SRCIN1: variants seen among roughly 807,000 people sequenced by gnomAD.
The protein encoded by SRCIN1 is SRC kinase signaling inhibitor 1, also known as P130Cas-associated protein.
Under a neutral mutation model 116.2 loss-of-function variants are expected in SRCIN1, and 50 were observed. That is an observed-to-expected ratio of 0.43 (90% CI 0.34 to 0.54). The LOEUF is 0.54. Among genes scored for constraint, SRCIN1 ranks in the 20% least tolerant of loss-of-function variants. The probability of loss-of-function intolerance (pLI) is 0.02; values close to 1 mark genes in which losing one functional copy is unlikely to be tolerated. For missense variants in SRCIN1, 1,446 were observed against 1,672.0 expected, an observed-to-expected ratio of 0.86 and a Z score of 2.36; for synonymous variants, 736 against 750.0, an observed-to-expected ratio of 0.98 and a Z score of 0.30.
rs144155851 is a variant in SRCIN1, at chr17:38,585,373, G to A, written c.23-6582C>T. Among the ~76,000 whole-genome samples, 655 of 152,346 alleles carry A rather than the reference G, an allele frequency of 4.3e-3. 3 individuals are homozygous for A. The highest frequency in any genetic ancestry group is 0.015 in the African/African-American group (628 of 41,572). On this transcript the variant is annotated intron_variant, in intron 1 of 18. Coordinates refer to ENST00000617146, the MANE Select transcript of SRCIN1 (RefSeq NM_025248.3). This position sits in a 1 kb window ranked among gnomAD's most constrained non-coding sequence, Gnocchi z 4.2. ...GGAGCCCCGAGGCACTGCCACCTTCGATTGTGCATGATGACTCCATCCTGC... is the reference window on the plus strand; with the variant it reads ...GGAGCCCCGAGGCACTGCCACCTTCAATTGTGCATGATGACTCCATCCTGC...
At chr17:38,605,968 G>C (rs1371560591), upstream of SRCIN1, 1 of 144,466 alleles carries the variant, frequency 6.9e-6, no homozygotes, top group Non-Finnish European at 1.5e-5. Flanking sequence ...CGCGCGGGCC[G>C]GCGCGGGTGT....
At chr17:38,576,737 G>T (rs1247759845) in intron 2 of SRCIN1, among the ~76,000 whole-genome samples, 1 of 151,820 alleles carries the variant, frequency 6.6e-6, no homozygotes, top group Non-Finnish European at 1.5e-5. Flanking sequence ...ACATCTCCCT[G>T]TCGCCCAGGT....
chr17:38,565,030 C>A (rs1906589984), intron 3 of SRCIN1, among the ~76,000 whole-genome samples: 1 of 152,110 alleles, frequency 6.6e-6, no homozygotes. Context: ...GCCACACAGC[C>A]AGCCAGCCTC....
intron 4 of SRCIN1, 57 bp downstream of exon 4, chr17:38,564,061 T>C: frequency 2.0e-6 from 3 of 1,486,542 alleles, no homozygotes; most frequent in South Asian, 2.4e-5. Context: ...CTCCAGGGAG[T>C]GAAGAGCAGA....
chr17:38,592,570 T>A (rs557450585), intron 1 of SRCIN1, among the ~76,000 whole-genome samples: 6 of 152,140 alleles, frequency 3.9e-5, no homozygotes, highest in African/African-American at 1.4e-4. Flanking sequence ...CTTGAACAAA[T>A]CATTTCAGTC....
chr17:38,549,141 C>CG lies in SRCIN1; in HGVS notation c.3031dup (p.Arg1011ProfsTer32). 1 of 980,448 alleles carries CG rather than the reference C, an allele frequency of 1.0e-6. No individual in the cohort carries two copies. The allele number at this position is 980,448 out of a possible 1,614,324, so 60.7% of individuals were successfully genotyped here. On this transcript the variant is annotated frameshift_variant, in exon 16 of 19. Coordinates refer to ENST00000617146, the MANE Select transcript of SRCIN1 (RefSeq NM_025248.3). LOFTEE classifies it high-confidence loss of function. ...CAGGCCATGGGAGGAGGGGAAGCTCCGGCGGGGAGGGGGCGGTGGGGGCGA... is the reference window on the plus strand; with the variant it reads ...CAGGCCATGGGAGGAGGGGAAGCTCCGGGCGGGGAGGGGGCGGTGGGGGCGA...
intron 11 of SRCIN1, among the ~76,000 whole-genome samples, chr17:38,554,808 C>T (rs35385529): frequency 0.037 from 5,583 of 152,266 alleles, 327 homozygotes; most frequent in African/African-American, 0.13. Context: ...GACTCACATG[C>T]GGGACTTTAT....
intron 2 of SRCIN1, among the ~76,000 whole-genome samples, chr17:38,578,207 G>T (rs1320893540): frequency 6.6e-6 from 1 of 152,206 alleles, no homozygotes; most frequent in African/African-American, 2.4e-5. Context: ...CTGAGTTAAA[G>T]AGGCTGGGCT....
At chr17:38,591,211 G>A (rs1435532593) in intron 1 of SRCIN1, among the ~76,000 whole-genome samples, 1 of 152,200 alleles carries the variant, frequency 6.6e-6, no homozygotes, top group Non-Finnish European at 1.5e-5. Context: ...TCCAGGAAAG[G>A]AGAACTCATT....
rs1332348813 is a variant in SRCIN1 at position 38,563,774 on chromosome 17, G to T, written c.542-253C>A. On this transcript the variant is annotated intron_variant, in intron 4 of 18. Coordinates refer to ENST00000617146, the MANE Select transcript of SRCIN1 (RefSeq NM_025248.3). This position sits in a 1 kb window ranked among gnomAD's most constrained non-coding sequence, Gnocchi z 5.8. ...GAACTTGGACAAGGAAATGGAAGTG[G>T]GGGCAGAGCAGGTGGGGCGGAAACT... The T allele has an allele frequency of 2.1e-5, 14 of 673,564 alleles. No individual in the cohort carries two copies. The South Asian group carries it at 2.2e-4, about 11-fold the overall frequency. 41.7% of individuals were successfully genotyped at this position (673,564 alleles called of 1,614,324 possible).
chr17:38,543,107 CCA>C (rs907748417), intron 18 of SRCIN1: 12 of 456,626 alleles, frequency 2.6e-5, no homozygotes, highest in African/African-American at 2.2e-4. Flanking sequence ...TGTCCACTCT[CCA>C]CACAGCCTCC....
At chr17:38,537,179 CA>C (rs949769470) in intron 18 of SRCIN1, among the ~76,000 whole-genome samples, 14 of 145,460 alleles carry the variant, frequency 9.6e-5, no homozygotes, top group Non-Finnish European at 1.7e-4. Context: ...GACTCTATCT[CA>C]AAAAAAAATT....
At chr17:38,596,252 A>AGGGCCAT (rs1326276972) in intron 1 of SRCIN1, among the ~76,000 whole-genome samples, 7 of 152,148 alleles carry the variant, frequency 4.6e-5, no homozygotes, top group Non-Finnish European at 1.0e-4. Context: ...GGTCAGGGGC[A>AGGGCCAT]GGGCCATGGG....
chr17:38,555,063 G>A (rs1022264388), intron 11 of SRCIN1, among the ~76,000 whole-genome samples: 4 of 152,148 alleles, frequency 2.6e-5, no homozygotes, highest in East Asian at 3.8e-4. Context: ...CCTGTATTAC[G>A]CACTTACTGT....
intron 11 of SRCIN1, among the ~76,000 whole-genome samples, chr17:38,553,290 C>G (rs1248294271): frequency 2.0e-5 from 3 of 152,144 alleles, no homozygotes. Context: ...AGCCATCAGG[C>G]CACATACTCA....
chr17:38,579,975 A>G (rs1907692837), intron 1 of SRCIN1, among the ~76,000 whole-genome samples: 1 of 152,134 alleles, frequency 6.6e-6, no homozygotes, highest in Non-Finnish European at 1.5e-5. Flanking sequence ...CCAGCCCCAC[A>G]ATCCACCAGC....
intron 15 of SRCIN1, among the ~76,000 whole-genome samples, chr17:38,550,485 C>A (rs1405678861): frequency 6.6e-6 from 1 of 151,824 alleles, no homozygotes; most frequent in African/African-American, 2.4e-5. Context: ...CAGAGACAGA[C>A]CCCGTCTCAA....
chr17:38,588,238 T>C (rs1908240292), intron 1 of SRCIN1, among the ~76,000 whole-genome samples: 1 of 151,980 alleles, frequency 6.6e-6, no homozygotes, highest in Admixed American at 6.6e-5. Context: ...GACTGTGGGG[T>C]TGTGATTTTT....
At chr17:38,567,672 G>A (rs1162611600) in intron 3 of SRCIN1, among the ~76,000 whole-genome samples, 1 of 152,052 alleles carries the variant, frequency 6.6e-6, no homozygotes, top group African/African-American at 2.4e-5. Flanking sequence ...TCAGGAGGAG[G>A]CAAGAAGGCA....
Sources: allele counts gnomAD v4.1 joint callset (sites outside exome capture counted in the v4.1 genomes callset), GRCh38; gene constraint gnomAD v4.1.1; non-coding constraint Gnocchi (gnomAD v3.1); transcripts MANE v1.5; gene names NCBI Gene and HGNC (gene_info 2026-07-23, HGNC 2026-07-21).